MEI1: variants seen among roughly 807,000 people sequenced by gnomAD.
The protein encoded by MEI1 is meiosis inhibitor protein 1.
In MEI1, 103 loss-of-function variants were observed where a neutral mutation model predicts 146.2. That is an observed-to-expected ratio of 0.70 (90% CI 0.60 to 0.83). The LOEUF (loss-of-function observed/expected upper bound fraction) is 0.83, where lower values mean the gene tolerates loss of function less well. MEI1 is among the 40% of genes least tolerant of loss of function. The pLI, the probability that MEI1 is intolerant of heterozygous loss-of-function variation, is 0.00. For missense variants in MEI1, 1,529 were observed against 1,533.0 expected (o/e 1.00, Z 0.04); for synonymous variants, 652 against 628.2 (o/e 1.04, Z -0.57).
chr22:41,766,237 G>A (rs1297354810), intron 19 of MEI1, among the ~76,000 whole-genome samples: 7 of 150,292 alleles, frequency 4.7e-5, no homozygotes, highest in African/African-American at 1.2e-4. Context: ...GCAGTGGCGC[G>A]ATCTCTGCTC....
At chr22:41,700,181 A>C (rs1277628358) in intron 1 of MEI1, among the ~76,000 whole-genome samples, 1 of 152,150 alleles carries the variant, frequency 6.6e-6, no homozygotes, top group Non-Finnish European at 1.5e-5. Context: ...TCGGGGTGTG[A>C]ATCGGAGGAG....
At chr22:41,725,785 T>G (rs55906525) in intron 7 of MEI1, among the ~76,000 whole-genome samples, 50,304 of 152,170 alleles carry the variant, frequency 0.33, 9,444 homozygotes, top group Non-Finnish European at 0.44. Flanking sequence ...TGTGACCCAC[T>G]GTCACCGTGC....
chr22:41,729,183 A>AAAG (rs10700338), intron 7 of MEI1, among the ~76,000 whole-genome samples: 1 of 148,458 alleles, frequency 6.7e-6, no homozygotes, highest in African/African-American at 2.5e-5. Context: ...AAAAAAAAAA[A>AAAG]GGTACCAGGC....
chr22:41,770,524 T>C (rs2075118353), intron 19 of MEI1, among the ~76,000 whole-genome samples, 162 bp from the exon 20 acceptor site: 1 of 152,138 alleles, frequency 6.6e-6, no homozygotes, highest in East Asian at 1.9e-4. Flanking sequence ...ATAAGGTAAG[T>C]ACAGTGGTAT....
chr22:41,725,633 A>G (rs1313736095), intron 7 of MEI1, among the ~76,000 whole-genome samples: 1 of 152,174 alleles, frequency 6.6e-6, no homozygotes, highest in Non-Finnish European at 1.5e-5. Flanking sequence ...CTGGTCCTGC[A>G]TATGCTAGGT....
chr22:41,705,391 T>C, intron 2 of MEI1, 113 bp from the exon 3 acceptor site: 1 of 886,252 alleles, frequency 1.1e-6, no homozygotes, highest in Non-Finnish European at 1.9e-6. Flanking sequence ...AGGCTTTTCT[T>C]GAATTCCTGA....
chr22:41,720,992 G>T (rs1018289686), intron 6 of MEI1, among the ~76,000 whole-genome samples: 53 of 151,610 alleles, frequency 3.5e-4, no homozygotes, highest in African/African-American at 1.3e-3. Flanking sequence ...TGTTAGCCAG[G>T]ATGGTCTCGA....
chr22:41,739,140 CA>C (rs11297750), intron 11 of MEI1, among the ~76,000 whole-genome samples: 117,047 of 143,690 alleles, frequency 0.81, 47,685 homozygotes, highest in African/African-American at 0.92. Context: ...ACTAAAAATA[CA>C]AAAAAAAAAA....
intron 19 of MEI1, among the ~76,000 whole-genome samples, chr22:41,766,720 AT>A (rs1424280175): frequency 2.0e-5 from 3 of 150,914 alleles, no homozygotes; most frequent in Non-Finnish European, 4.4e-5. Context: ...CTGGCTAATT[AT>A]TTTTATTTCC....
chr22:41,785,124 A>G (rs1307890060), intron 26 of MEI1, among the ~76,000 whole-genome samples: 1 of 150,132 alleles, frequency 6.7e-6, no homozygotes, highest in African/African-American at 2.4e-5. Context: ...TTTAGTAGAG[A>G]CGGGGTTTCA....
rs768371125 is a variant in MEI1, at chr22:41,723,924, C to T, written c.734-19C>T. The T allele has an allele frequency of 1.3e-6, 2 of 1,579,630 alleles. No homozygotes were observed. Among genetic ancestry groups the T allele is most frequent in the South Asian group, 2.3e-5 (2 of 86,298 alleles). On this transcript the variant is annotated intron_variant, in intron 6 of 30. Transcript: ENST00000401548. ...CCTGTGTTCCTCTTGCCTTACTTCC[C>T]AATCCCTTTGTTTCCTAGGTTTGCT...
At position 41,730,520 on chromosome 22, in the gene MEI1, G is replaced by C; in HGVS notation, c.980-1G>C. The C allele has an allele frequency of 6.2e-7, 1 of 1,605,806 alleles. No individual in the cohort carries two copies. The highest frequency in any genetic ancestry group is 8.5e-7 in the Non-Finnish European group (1 of 1,172,564). ...TGTTTTCTCATCCTCTCCCTTGTTAGAGTTCCTCTTTGAGCATCTTTCTTC... is the reference window on the plus strand; with the variant it reads ...TGTTTTCTCATCCTCTCCCTTGTTACAGTTCCTCTTTGAGCATCTTTCTTC... On this transcript the variant is annotated splice_acceptor_variant, in intron 8 of 30. Coordinates refer to ENST00000401548, the MANE Select transcript of MEI1 (RefSeq NM_152513.4). LOFTEE classifies it high-confidence loss of function.
intron 22 of MEI1, among the ~76,000 whole-genome samples, chr22:41,780,668 C>T (rs934221462): frequency 6.6e-6 from 1 of 150,716 alleles, no homozygotes; most frequent in African/African-American, 2.4e-5. Context: ...GCAGCCTCTA[C>T]CTCTCGGGCT....
chr22:41,714,195 A>C (rs1158025079), intron 4 of MEI1, 120 bp downstream of exon 4: 5 of 919,710 alleles, frequency 5.4e-6, no homozygotes, highest in Non-Finnish European at 8.4e-6. Context: ...TCCTGAGGTC[A>C]CTGAGTTGGT....
intron 6 of MEI1, among the ~76,000 whole-genome samples, chr22:41,721,643 T>C (rs1023129203): frequency 1.3e-5 from 2 of 151,862 alleles, no homozygotes; most frequent in African/African-American, 2.4e-5. Context: ...TCCACGTGCC[T>C]TGGACTTCCG....
chr22:41,699,828 G>T, intron 1 of MEI1, 116 bp downstream of exon 1: 3 of 1,290,332 alleles, frequency 2.3e-6, no homozygotes, highest in South Asian at 1.5e-5. Context: ...GGGCCCCCGC[G>T]CTGTGTTCAC....
chr22:41,713,369 G>T (rs1250114151), intron 3 of MEI1, among the ~76,000 whole-genome samples: 2 of 152,062 alleles, frequency 1.3e-5, no homozygotes, highest in Admixed American at 6.5e-5. Flanking sequence ...TTGAGAGCCT[G>T]AGTGGGAGGA....
chr22:41,701,326 G>A (rs1419510601), intron 1 of MEI1, among the ~76,000 whole-genome samples: 1 of 151,712 alleles, frequency 6.6e-6, no homozygotes, highest in Non-Finnish European at 1.5e-5. Context: ...ACACTTGTGG[G>A]AGAATAAGAA....
chr22:41,738,220 C>T (rs1375180146), intron 11 of MEI1, among the ~76,000 whole-genome samples: 2 of 151,950 alleles, frequency 1.3e-5, no homozygotes, highest in African/African-American at 2.4e-5. Flanking sequence ...TTTGGGAGTC[C>T]GAGGTGGGTG....
Sources: allele counts gnomAD v4.1 joint callset (sites outside exome capture counted in the v4.1 genomes callset), GRCh38; gene constraint gnomAD v4.1.1; transcripts MANE v1.5; gene names NCBI Gene and HGNC (gene_info 2026-07-23, HGNC 2026-07-21).